UXS1: variants seen among roughly 807,000 people sequenced by gnomAD.
The protein encoded by UXS1 is UDP-glucuronic acid decarboxylase 1.
Under a neutral mutation model 62.6 loss-of-function variants are expected in UXS1, and 33 were observed. That is an observed-to-expected ratio of 0.53 (90% CI 0.40 to 0.70). The LOEUF is 0.70. Among genes scored for constraint, UXS1 ranks in the 30% least tolerant of loss-of-function variants. The pLI, the probability that UXS1 is intolerant of heterozygous loss-of-function variation, is 0.00. For synonymous variants in UXS1, 213 were observed against 206.8 expected, an observed-to-expected ratio of 1.03 and a Z score of -0.26; for missense variants, 434 against 556.3, an observed-to-expected ratio of 0.78 and a Z score of 2.21.
intron 5 of UXS1, among the ~76,000 whole-genome samples, chr2:106,156,405 T>C (rs946511538): frequency 2.0e-5 from 3 of 152,144 alleles, no homozygotes; most frequent in South Asian, 2.1e-4. Context: ...GTTGAGGATG[T>C]AGAGAAACTG....
At chr2:106,098,183 G>A (rs146576747) in intron 13 of UXS1, among the ~76,000 whole-genome samples, 2 of 152,294 alleles carry the variant, frequency 1.3e-5, no homozygotes, top group African/African-American at 2.4e-5. Context: ...TGAGGCCAAG[G>A]GCTCATCCAC....
intron 1 of UXS1, among the ~76,000 whole-genome samples, chr2:106,189,288 T>C (rs975476378): frequency 6.6e-6 from 1 of 152,138 alleles, no homozygotes; most frequent in South Asian, 2.1e-4. Context: ...CACGGATGTA[T>C]CAGTCAGGGC....
intron 8 of UXS1, among the ~76,000 whole-genome samples, chr2:106,125,386 T>C (rs1170589997): frequency 2.0e-5 from 3 of 152,184 alleles, no homozygotes; most frequent in African/African-American, 7.2e-5. Context: ...TGGTGGGTCT[T>C]TACTGGCCAG....
intron 3 of UXS1, among the ~76,000 whole-genome samples, chr2:106,163,947 G>C (rs2105058621): frequency 6.6e-6 from 1 of 152,220 alleles, no homozygotes; most frequent in East Asian, 1.9e-4. Context: ...TAATGTTTTT[G>C]CTCACCCATC....
intron 6 of UXS1, 140 bp downstream of exon 6, chr2:106,145,050 A>T: frequency 1.1e-6 from 1 of 913,322 alleles, no homozygotes; most frequent in Non-Finnish European, 1.6e-6. Flanking sequence ...GGCACCTCAT[A>T]CATATTGAGA....
chr2:106,181,178 G>A (rs1338586188), intron 1 of UXS1, among the ~76,000 whole-genome samples: 2 of 152,168 alleles, frequency 1.3e-5, no homozygotes, highest in Admixed American at 6.5e-5. Context: ...CCTGTCACCA[G>A]TGAGGCTAAG....
At chr2:106,130,492 T>A (rs114269163) in intron 6 of UXS1, among the ~76,000 whole-genome samples, 198 of 152,240 alleles carry the variant, frequency 1.3e-3, no homozygotes, top group Non-Finnish European at 2.3e-3. Context: ...CCAGACAAAG[T>A]CCATGTCATG....
intron 9 of UXS1, among the ~76,000 whole-genome samples, chr2:106,113,809 C>T (rs1473268315): frequency 6.6e-6 from 1 of 152,202 alleles, no homozygotes; most frequent in African/African-American, 2.4e-5. Flanking sequence ...CCGCTCACTG[C>T]CCAGGCCTGC....
chr2:106,116,517 T>A (rs746056363), intron 9 of UXS1, among the ~76,000 whole-genome samples: 1 of 152,232 alleles, frequency 6.6e-6, no homozygotes, highest in Non-Finnish European at 1.5e-5. Context: ...CCATGCAAGA[T>A]GATGCTGCCT....
At chr2:106,123,212 T>C in intron 8 of UXS1, 121 bp from the exon 9 acceptor site, 1 of 1,405,164 alleles carries the variant, frequency 7.1e-7, no homozygotes, top group Non-Finnish European at 9.5e-7. Flanking sequence ...GAGAGATGTA[T>C]TAAAGAGGCA....
intron 1 of UXS1, among the ~76,000 whole-genome samples, chr2:106,175,529 G>A (rs1301823328): frequency 6.6e-6 from 1 of 152,150 alleles, no homozygotes; most frequent in Non-Finnish European, 1.5e-5. Context: ...TGAGCTGCTT[G>A]GACCACAGTG....
At chr2:106,162,902 T>TA (rs1410958103) in intron 4 of UXS1, among the ~76,000 whole-genome samples, 2 of 152,318 alleles carry the variant, frequency 1.3e-5, no homozygotes, top group African/African-American at 2.4e-5. Context: ...CTGGACTTGA[T>TA]AAAAGGCTCA....
chr2:106,174,859 C>T (rs1297254945), intron 1 of UXS1, among the ~76,000 whole-genome samples: 47 of 152,220 alleles, frequency 3.1e-4, no homozygotes, highest in Non-Finnish European at 4.4e-5. Flanking sequence ...CTAGCGCCCA[C>T]CCATCCCTGG....
At chr2:106,110,810 GA>G (rs1294488647) in intron 10 of UXS1, among the ~76,000 whole-genome samples, 16 of 152,230 alleles carry the variant, frequency 1.1e-4, no homozygotes, top group African/African-American at 3.9e-4. Flanking sequence ...GATTGGGGCT[GA>G]AAAATTCGTA....
At chr2:106,155,071 G>C (rs1166320809) in intron 5 of UXS1, among the ~76,000 whole-genome samples, 3 of 152,106 alleles carry the variant, frequency 2.0e-5, no homozygotes, top group African/African-American at 7.2e-5. Context: ...ATCAGGTCTT[G>C]TGTGAACTCA....
chr2:106,150,666 T>G (rs1326140338), intron 5 of UXS1, among the ~76,000 whole-genome samples: 1 of 152,226 alleles, frequency 6.6e-6, no homozygotes, highest in East Asian at 1.9e-4. Flanking sequence ...CCAACTAGAT[T>G]TCAAAGGATG....
Position 106,093,958 on chromosome 2 carries a change from CAAA to C in UXS1, c.*65_*67del, listed in dbSNP as rs765652023. 6.1e-6 allele frequency: 9 copies of C among 1,471,046 alleles called. No individual in the cohort carries two copies. The highest frequency in any genetic ancestry group is 8.1e-6 in the Non-Finnish European group (9 of 1,114,844). 91.1% of individuals were successfully genotyped at this position (1,471,046 alleles called of 1,614,324 possible). A position where few individuals can be genotyped will look rare whatever the true frequency, so the allele number is the denominator to read the frequency against. On this transcript the variant is annotated 3_prime_UTR_variant, in exon 15 of 15. Coordinates refer to ENST00000283148, the MANE Select transcript of UXS1 (RefSeq NM_001253875.2). Reference sequence around the variant, plus strand: ...GTTAAAGTCTTTCTTTAAACGACAACAAAAAAAAGCCAAAAATACATCCCATCA... The same window carrying C: ...GTTAAAGTCTTTCTTTAAACGACAACAAAAAGCCAAAAATACATCCCATCA...
At chr2:106,164,252 C>G (rs1358350607) in intron 3 of UXS1, among the ~76,000 whole-genome samples, 1 of 152,306 alleles carries the variant, frequency 6.6e-6, no homozygotes, top group East Asian at 1.9e-4. Context: ...ATCCCCTCCC[C>G]CACAGCCCAT....
At chr2:106,161,167 G>A (rs1306000758) in intron 4 of UXS1, among the ~76,000 whole-genome samples, 1 of 152,074 alleles carries the variant, frequency 6.6e-6, no homozygotes, top group Admixed American at 6.5e-5. Context: ...ACTGACTCAG[G>A]GCTGGGCAGG....
Sources: gnomAD v4.1 joint callset for allele counts (sites outside exome capture counted in the v4.1 genomes callset) on GRCh38, gnomAD v4.1.1 for gene constraint, MANE v1.5 for transcripts, NCBI Gene and HGNC (gene_info 2026-07-23, HGNC 2026-07-21) for gene names.